The following NT5DC1 variants were observed in gnomAD, a reference collection of about 807,000 sequenced individuals.
NT5DC1 encodes the protein 5'-nucleotidase domain containing 1.
A neutral mutation model predicts 59.4 loss-of-function variants in NT5DC1; 42 were observed. The observed-to-expected ratio is 0.71, with a 90% CI of 0.55 to 0.92. The LOEUF (loss-of-function observed/expected upper bound fraction) is 0.92. Ranked by LOEUF, NT5DC1 falls within the 40% of genes least tolerant of loss-of-function variation. NT5DC1 has a pLI of 0.00. For synonymous variants in NT5DC1, 172 were observed against 188.1 expected, an observed-to-expected ratio of 0.91 and a Z score of 0.70; for missense variants, 501 against 537.1, an observed-to-expected ratio of 0.93 and a Z score of 0.66.
chr6:116,203,040 T>G (rs1781378645), intron 6 of NT5DC1, among the ~76,000 whole-genome samples: 1 of 151,992 alleles, frequency 6.6e-6, no homozygotes, highest in African/African-American at 2.4e-5. Flanking sequence ...CACAAATTTT[T>G]TCCCACAGAT....
chr6:116,117,729 A>G, intron 5 of NT5DC1, 132 bp from the exon 6 acceptor site: 2 of 599,178 alleles, frequency 3.3e-6, no homozygotes, highest in South Asian at 4.3e-5. Context: ...TTGTACCATT[A>G]TAAAATAAAA....
In NT5DC1 at chr6:116,194,499, T is replaced by G. The variant is rs143200817; in HGVS notation, c.530-26555T>G. On this transcript the variant is annotated intron_variant, in intron 6 of 11. Transcript: ENST00000319550. The stretch of plus-strand genomic sequence containing the variant: ...AAGGGGAGAATCACTAATAGCCTAT[T>G]TTATGTTGTGGGGAGTTAAAAATTG... 3.8e-4 allele frequency among the ~76,000 whole-genome samples: 58 copies of G among 152,020 alleles called. No individual in the cohort carries two copies. The East Asian group carries it at 9.9e-3, about 26-fold the overall frequency.
At chr6:116,236,231 T>C (rs1490669026) in intron 8 of NT5DC1, among the ~76,000 whole-genome samples, 2 of 152,240 alleles carry the variant, frequency 1.3e-5, no homozygotes, top group Non-Finnish European at 2.9e-5. Flanking sequence ...TGCTGATAGA[T>C]ATATCATGTA....
At chr6:116,103,462 A>G (rs1778703760) in intron 1 of NT5DC1, among the ~76,000 whole-genome samples, 1 of 152,038 alleles carries the variant, frequency 6.6e-6, no homozygotes, top group South Asian at 2.1e-4. Flanking sequence ...TGCTGTCTGT[A>G]TGGTGCCCGA....
chr6:116,152,478 T>C (rs2114400543), intron 6 of NT5DC1, among the ~76,000 whole-genome samples: 1 of 152,240 alleles, frequency 6.6e-6, no homozygotes, highest in South Asian at 2.1e-4. Flanking sequence ...TTATGGTGAT[T>C]ATCTACCCCA....
intron 6 of NT5DC1, among the ~76,000 whole-genome samples, chr6:116,132,255 T>C (rs762893017): frequency 1.3e-5 from 2 of 152,192 alleles, no homozygotes; most frequent in Non-Finnish European, 2.9e-5. Flanking sequence ...TGTTGAACTT[T>C]TTAATTTTTG....
intron 6 of NT5DC1, among the ~76,000 whole-genome samples, chr6:116,158,367 C>G (rs1396239145): frequency 6.6e-6 from 1 of 150,666 alleles, no homozygotes; most frequent in African/African-American, 2.4e-5. Flanking sequence ...CTCTTCAAAT[C>G]CAGAAAAAAA....
At chr6:116,106,873 C>G (rs1333861257) in intron 2 of NT5DC1, among the ~76,000 whole-genome samples, 1 of 152,094 alleles carries the variant, frequency 6.6e-6, no homozygotes, top group Non-Finnish European at 1.5e-5. Flanking sequence ...AAACAAATAT[C>G]CTAAGCCACT....
chr6:116,192,610 A>C (rs544961126), intron 6 of NT5DC1, among the ~76,000 whole-genome samples: 1 of 152,210 alleles, frequency 6.6e-6, no homozygotes, highest in Admixed American at 6.5e-5. Flanking sequence ...AAAGTACATT[A>C]AGGAATGTTT....
At chr6:116,136,589 T>TA (rs1779609858) in intron 6 of NT5DC1, among the ~76,000 whole-genome samples, 1 of 152,320 alleles carries the variant, frequency 6.6e-6, no homozygotes, top group South Asian at 2.1e-4. Flanking sequence ...ACATAACACT[T>TA]ACTATAAATT....
intron 4 of NT5DC1, among the ~76,000 whole-genome samples, chr6:116,113,563 C>T (rs1383614783): frequency 1.3e-5 from 2 of 152,190 alleles, no homozygotes; most frequent in African/African-American, 4.8e-5. Context: ...TGAGGCATTG[C>T]AAGCAGCCTG....
chr6:116,202,424 T>C (rs1227221562), intron 6 of NT5DC1, among the ~76,000 whole-genome samples: 1 of 152,014 alleles, frequency 6.6e-6, no homozygotes, highest in Non-Finnish European at 1.5e-5. Context: ...GCCATACTCT[T>C]TTTTAGGGGA....
Position 116,223,122 on chromosome 6 carries a change from C to T in NT5DC1, c.793C>T (p.Arg265Trp), listed in dbSNP as rs370659130. 63 of 1,569,562 alleles carry T rather than the reference C, an allele frequency of 4.0e-5. No homozygotes were observed. The Middle Eastern group carries it at 5.0e-4, about 13-fold the overall frequency. ...CCACTTACCAAGTCAGAGACCTTTC[C>T]GGACACTCGGTAAGTTACATTTGGT... ...FSHLPSQRPF[R>W]TLENDEEQEA... is the part of the protein sequence containing the mutation. The change falls in exon 8 of 12, where the codon CGG becomes TGG. Residue 265 changes from arginine (R) to tryptophan (W), a missense_variant. By Grantham distance (101) the Arg-to-Trp change is moderately radical (BLOSUM62 -3). Transcript: ENST00000319550.
chr6:116,170,257 A>G (rs1425427928), intron 6 of NT5DC1, among the ~76,000 whole-genome samples: 1 of 152,066 alleles, frequency 6.6e-6, no homozygotes, highest in African/African-American at 2.4e-5. Context: ...CCCACCAGTG[A>G]TTGGGGGGTG....
chr6:116,241,310 T>A (rs1411085437), intron 11 of NT5DC1, among the ~76,000 whole-genome samples: 1 of 152,170 alleles, frequency 6.6e-6, no homozygotes, highest in Admixed American at 6.5e-5. Context: ...AAGTATATGG[T>A]GTAAGTATAT....
chr6:116,102,081 T>A (rs509859), intron 1 of NT5DC1, among the ~76,000 whole-genome samples: 2 of 152,062 alleles, frequency 1.3e-5, no homozygotes, highest in Non-Finnish European at 1.5e-5. Flanking sequence ...TGTATAATGC[T>A]TAGAATAGTA....
intron 4 of NT5DC1, among the ~76,000 whole-genome samples, chr6:116,114,342 A>G (rs898904038): frequency 2.0e-5 from 3 of 152,108 alleles, no homozygotes; most frequent in Non-Finnish European, 4.4e-5. Flanking sequence ...GCTTCTGCAT[A>G]TGGTTTTCTT....
At chr6:116,101,351 G>A (rs1037762258) in intron 1 of NT5DC1, among the ~76,000 whole-genome samples, 3 of 152,182 alleles carry the variant, frequency 2.0e-5, no homozygotes, top group African/African-American at 7.2e-5. Flanking sequence ...GGGGGACTAG[G>A]GCTGTCCTTG....
At chr6:116,226,187 T>G (rs1168367002) in intron 8 of NT5DC1, among the ~76,000 whole-genome samples, 5 of 152,150 alleles carry the variant, frequency 3.3e-5, no homozygotes, top group East Asian at 3.8e-4. Context: ...AGAAAAAAAT[T>G]TAAATGTTTT....
Sources: gnomAD v4.1 joint callset for allele counts (sites outside exome capture counted in the v4.1 genomes callset) on GRCh38, gnomAD v4.1.1 for gene constraint, MANE v1.5 for transcripts, NCBI Gene and HGNC (gene_info 2026-07-23, HGNC 2026-07-21) for gene names.